Variants in IDH2 observed in about 807,000 individuals in gnomAD.
IDH2 encodes isocitrate dehydrogenase [NADP], mitochondrial.
IDH2 carries 18 observed loss-of-function variants against 50.5 expected under a neutral mutation model. The ratio of observed to expected loss-of-function variants is 0.36; its 90% CI spans 0.25 to 0.53. IDH2 has a LOEUF of 0.53. Ranked by LOEUF, IDH2 falls within the 20% of genes least tolerant of loss-of-function variation. The probability of loss-of-function intolerance (pLI) is 0.92; values close to 1 mark genes in which losing one functional copy is unlikely to be tolerated. For missense variants in IDH2, 518 were observed against 610.7 expected, an observed-to-expected ratio of 0.85 and a Z score of 1.60; for synonymous variants, 280 against 239.8, an observed-to-expected ratio of 1.17 and a Z score of -1.55.
In IDH2 at chr15:90,091,542, G is replaced by C. The variant is rs1901035816; in HGVS notation, c.207+11C>G. 1 of 1,609,464 alleles carries C rather than the reference G, an allele frequency of 6.2e-7. No homozygotes were observed. Among genetic ancestry groups the C allele is most frequent in the Non-Finnish European group, 8.5e-7 (1 of 1,175,842 alleles). ...ACCTGGAGAGCCACCCACTTCAGGA[G>C]GGGGCACTACCTTCTCCTTGATGAA... On this transcript the variant is annotated intron_variant, in intron 2 of 10. Transcript: ENST00000330062.
In IDH2 at chr15:90,092,551, G is replaced by A. The variant is rs572509793; in HGVS notation, c.116-907C>T. Among the ~76,000 whole-genome samples, 19 of 151,750 alleles carry A rather than the reference G, an allele frequency of 1.3e-4. No homozygotes were observed. In the South Asian group the frequency reaches 1.9e-3, roughly 15 times the overall value. On this transcript the variant is annotated intron_variant, in intron 1 of 10. Transcript: ENST00000330062. ...CTCCCAAGTAGCTGGGACTACAGGC[G>A]CATGCCACCACACCCAGCTATTTTT...
In IDH2 at chr15:90,084,119, A is replaced by G. The variant is rs1596071203; in HGVS notation, c.*147T>C. 1 of 665,294 alleles carries G rather than the reference A, an allele frequency of 1.5e-6. No individual in the cohort carries two copies. The highest frequency in any genetic ancestry group is 1.8e-5 in the African/African-American group (1 of 56,112). The allele number at this position is 665,294 out of a possible 1,614,324, so 41.2% of individuals were successfully genotyped here. ...CGTCACCATGAGGGGAAACACACATATGCTTTTAAAAACATCTGGCTTATA... is the reference window on the plus strand; with the variant it reads ...CGTCACCATGAGGGGAAACACACATGTGCTTTTAAAAACATCTGGCTTATA... On this transcript the variant is annotated 3_prime_UTR_variant, in exon 11 of 11. Coordinates refer to ENST00000330062, the MANE Select transcript of IDH2 (RefSeq NM_002168.4). This position sits in a 1 kb window ranked among gnomAD's most constrained non-coding sequence, Gnocchi z 5.0.
chr15:90,096,223 C>T (rs558333045), intron 1 of IDH2, among the ~76,000 whole-genome samples: 10 of 152,152 alleles, frequency 6.6e-5, no homozygotes, highest in Admixed American at 3.9e-4. Flanking sequence ...TTGCTTGAAC[C>T]CAGGAGGTGG....
chr15:90,091,407 T>G, intron 2 of IDH2, 146 bp downstream of exon 2: 1 of 717,318 alleles, frequency 1.4e-6, no homozygotes, highest in Non-Finnish European at 2.6e-6. Context: ...GAAAGAAGGG[T>G]AGACAGAGGG....
Position 90,089,657 on chromosome 15 carries a change from A to G in IDH2, c.373+822T>C, listed in dbSNP as rs547047889. 2.0e-5 allele frequency among the ~76,000 whole-genome samples: 3 copies of G among 152,350 alleles called. No individual in the cohort carries two copies. In the South Asian group the frequency reaches 6.2e-4, roughly 32 times the overall value. On this transcript the variant is annotated intron_variant, in intron 3 of 10. Transcript: ENST00000330062. ...GCAGGCCTGGGGAATTTGCAGATGTATCTCGAGTACTTTCCGCCAGCTCCC... is the reference window on the plus strand; with the variant it reads ...GCAGGCCTGGGGAATTTGCAGATGTGTCTCGAGTACTTTCCGCCAGCTCCC...
intron 7 of IDH2, 59 bp downstream of exon 7, chr15:90,087,053 C>A: frequency 6.3e-7 from 1 of 1,592,300 alleles, no homozygotes; most frequent in East Asian, 2.2e-5. Context: ...CTGAAAATCC[C>A]TCCAGCCAGA....
At chr15:90,089,460 A>G (rs999257651) in intron 3 of IDH2, among the ~76,000 whole-genome samples, 4 of 151,742 alleles carry the variant, frequency 2.6e-5, no homozygotes, top group Admixed American at 2.6e-4. Context: ...CACACTGCCC[A>G]CTCCACATGC....
At chr15:90,087,306 G>C in intron 6 of IDH2, 43 bp from the exon 7 acceptor site, 1 of 1,613,612 alleles carries the variant, frequency 6.2e-7, no homozygotes, top group South Asian at 1.1e-5. Flanking sequence ...GCAGAAGGCT[G>C]ACAGGTTGGG....
Position 90,084,433 on chromosome 15 carries a change from C to A in IDH2, c.1272-80G>T, listed in dbSNP as rs1354170470. The A allele has an allele frequency of 6.1e-6, 8 of 1,311,680 alleles. No homozygotes were observed. Among genetic ancestry groups the A allele is most frequent in the Non-Finnish European group, 8.6e-6 (8 of 926,454 alleles). The allele number at this position is 1,311,680 out of a possible 1,614,324, so 81.3% of individuals were successfully genotyped here. Reference sequence around the variant, plus strand: ...TCAGCCAGGCCCTTCCAGGGAACAGCCTGAGCTTGGGCATCAGAACAGCCA... The same window carrying A: ...TCAGCCAGGCCCTTCCAGGGAACAGACTGAGCTTGGGCATCAGAACAGCCA... On this transcript the variant is annotated intron_variant, in intron 10 of 10. Coordinates refer to ENST00000330062, the MANE Select transcript of IDH2 (RefSeq NM_002168.4). The surrounding 1 kb of genome is among the most constrained non-coding windows in gnomAD (Gnocchi z 5.0).
chr15:90,084,767 C>T lies in IDH2; in HGVS notation c.1271+49G>A. On this transcript the variant is annotated intron_variant, in intron 10 of 10. Coordinates refer to ENST00000330062, the MANE Select transcript of IDH2 (RefSeq NM_002168.4). This position sits in a 1 kb window ranked among gnomAD's most constrained non-coding sequence, Gnocchi z 5.0. ...GGGGACTTTAGGAGGGGTCCCCTGG[C>T]TTCCTCCCACATGGCCCCAGGGTCT... is the stretch of plus-strand genomic sequence containing the variant. 6.7e-7 allele frequency: 1 copy of T among 1,489,228 alleles called. No homozygotes were observed. Among genetic ancestry groups the T allele is most frequent in the Non-Finnish European group, 9.3e-7 (1 of 1,070,742 alleles). The allele number at this position is 1,489,228 out of a possible 1,614,324, so 92.3% of individuals were successfully genotyped here.
At position 90,085,119 on chromosome 15, in the gene IDH2, G is replaced by A. The variant is rs1384626337; in HGVS notation, c.1081-21C>T. On this transcript the variant is annotated intron_variant, in intron 8 of 10. Coordinates refer to ENST00000330062, the MANE Select transcript of IDH2 (RefSeq NM_002168.4). The surrounding 1 kb of genome is among the most constrained non-coding windows in gnomAD (Gnocchi z 5.5). ...CGGCCCTGGGGACGGGGGTTGCAGGGAGATCAAGAGCCGAGCCAGCTAGTG... is the reference window on the plus strand; with the variant it reads ...CGGCCCTGGGGACGGGGGTTGCAGGAAGATCAAGAGCCGAGCCAGCTAGTG... 6.2e-7 allele frequency: 1 copy of A among 1,609,842 alleles called. No individual in the cohort carries two copies. Among genetic ancestry groups the A allele is most frequent in the South Asian group, 1.1e-5 (1 of 90,998 alleles).
Position 90,084,243 on chromosome 15 carries a change from G to A in IDH2, c.*23C>T, listed in dbSNP as rs535303053. The A allele has an allele frequency of 5.0e-6, 8 of 1,608,192 alleles. No individual in the cohort carries two copies. Among genetic ancestry groups the A allele is most frequent in the Admixed American group, 3.3e-5 (2 of 59,860 alleles). On this transcript the variant is annotated 3_prime_UTR_variant, in exon 11 of 11. Coordinates refer to ENST00000330062, the MANE Select transcript of IDH2 (RefSeq NM_002168.4). The surrounding 1 kb of genome is among the most constrained non-coding windows in gnomAD (Gnocchi z 5.0). ...CCGGCTCAGCCCTGGCCCCTCCACT[G>A]CAGCCATGGGTGGCGCCTCCCCCTA...
chr15:90,094,452 G>A (rs772827104), intron 1 of IDH2, among the ~76,000 whole-genome samples: 4 of 152,224 alleles, frequency 2.6e-5, no homozygotes, highest in East Asian at 1.9e-4. Flanking sequence ...GCTCAGCTGA[G>A]AGCTGTGCCC....
intron 1 of IDH2, among the ~76,000 whole-genome samples, chr15:90,101,393 G>A (rs1901327011): frequency 6.6e-6 from 1 of 152,196 alleles, no homozygotes; most frequent in Non-Finnish European, 1.5e-5. Flanking sequence ...GGTAGCCAGG[G>A]TGAGGGGGCA....
intron 1 of IDH2, among the ~76,000 whole-genome samples, chr15:90,092,104 G>A (rs1901054235): frequency 6.6e-6 from 1 of 152,090 alleles, no homozygotes. Context: ...GCAAGCTCAG[G>A]ACCCCCCGAT....
At chr15:90,093,681 G>A (rs920727457) in intron 1 of IDH2, among the ~76,000 whole-genome samples, 17 of 152,188 alleles carry the variant, frequency 1.1e-4, no homozygotes, top group Admixed American at 8.5e-4. Context: ...ATGCAATGGC[G>A]TGATCTCGGC....
chr15:90,101,679 G>C (rs1330534188), intron 1 of IDH2, among the ~76,000 whole-genome samples: 1 of 152,058 alleles, frequency 6.6e-6, no homozygotes, highest in African/African-American at 2.4e-5. Context: ...GAAGGCGAAG[G>C]GGTGGGGGTG....
intron 1 of IDH2, among the ~76,000 whole-genome samples, chr15:90,097,966 C>A (rs1197592253): frequency 6.6e-6 from 1 of 152,158 alleles, no homozygotes; most frequent in African/African-American, 2.4e-5. Flanking sequence ...CCATGACAGC[C>A]AAGTGCCCTC....
intron 1 of IDH2, among the ~76,000 whole-genome samples, chr15:90,096,897 G>A (rs1364746431): frequency 6.6e-6 from 1 of 151,816 alleles, no homozygotes; most frequent in African/African-American, 2.4e-5. Context: ...ATGGGCGAAA[G>A]AGAGCAAGAC....
Sources: gnomAD v4.1 joint callset for allele counts (sites outside exome capture counted in the v4.1 genomes callset) on GRCh38, gnomAD v4.1.1 for gene constraint, Gnocchi (gnomAD v3.1) non-coding constraint, MANE v1.5 for transcripts, NCBI Gene and HGNC (gene_info 2026-07-23, HGNC 2026-07-21) for gene names.